The following SLC16A12 variants were observed in gnomAD, a reference collection of about 807,000 sequenced individuals.
The protein encoded by SLC16A12 is solute carrier family 16 member 12, also known as monocarboxylate transporter 12.
SLC16A12 carries 17 observed loss-of-function variants against 42.4 expected under a neutral mutation model. The ratio of observed to expected loss-of-function variants is 0.40; its 90% CI spans 0.27 to 0.60. The LOEUF (loss-of-function observed/expected upper bound fraction) is 0.60, where lower values mean the gene tolerates loss of function less well. Among genes scored for constraint, SLC16A12 ranks in the 20% least tolerant of loss-of-function variants. The pLI is 0.42. For missense variants in SLC16A12, 544 were observed against 623.0 expected, an observed-to-expected ratio of 0.87 and a Z score of 1.35; for synonymous variants, 224 against 229.4, an observed-to-expected ratio of 0.98 and a Z score of 0.21.
At position 89,443,791 on chromosome 10, in the gene SLC16A12, A is replaced by T; in HGVS notation, c.269T>A (p.Ile90Asn). The change falls in exon 4 of 8, where the codon ATC (isoleucine) becomes AAC (asparagine). Residue 90 changes from isoleucine to asparagine, a missense_variant. Physicochemically the swap from Ile to Asn is moderately radical, Grantham distance 149. Coordinates refer to ENST00000371790, the MANE Select transcript of SLC16A12 (RefSeq NM_213606.4). The stretch of plus-strand genomic sequence containing the variant: ...GGTCACACAATCTACAATGGAATGG[A>T]TCCATGCCGTTTGTGCGTAATCCTG... ...FTQDYAQTAW[I>N]HSIVDCVTML... is the part of the protein sequence containing the mutation. The T allele has an allele frequency of 6.2e-7, 1 of 1,613,954 alleles. No homozygotes were observed. Among genetic ancestry groups the T allele is most frequent in the Non-Finnish European group, 8.5e-7 (1 of 1,179,772 alleles).
intron 2 of SLC16A12, among the ~76,000 whole-genome samples, chr10:89,492,555 G>T (rs1259916570): frequency 6.6e-6 from 1 of 152,052 alleles, no homozygotes; most frequent in Admixed American, 6.6e-5. Context: ...CCTGATAAAC[G>T]TGGAGAAACC....
chr10:89,497,722 G>T (rs189456402), intron 2 of SLC16A12, among the ~76,000 whole-genome samples: 1 of 143,122 alleles, frequency 7.0e-6, no homozygotes, highest in Non-Finnish European at 1.5e-5. Flanking sequence ...AATTAATAGG[G>T]GTAGAGATCA....
intron 2 of SLC16A12, among the ~76,000 whole-genome samples, chr10:89,513,081 T>A (rs1843190195): frequency 6.6e-6 from 1 of 152,188 alleles, no homozygotes; most frequent in South Asian, 2.1e-4. Flanking sequence ...GGAAAACAGT[T>A]TGTTTTTCCT....
At position 89,478,203 on chromosome 10, in the gene SLC16A12, C is replaced by T. The variant is rs560189527; in HGVS notation, c.-46-15579G>A. Among the ~76,000 whole-genome samples the T allele has an allele frequency of 4.7e-4, 71 of 152,134 alleles. No homozygotes were observed. The South Asian group carries it at 1.0e-2, about 21-fold the overall frequency. On this transcript the variant is annotated intron_variant, in intron 2 of 7. Transcript: ENST00000371790. ...AGTTACTAGAATCTTGGAGAGTTGA[C>T]GTAGAAAGTCCCTGTTGAAGGGAAG...
upstream of SLC16A12, among the ~76,000 whole-genome samples, chr10:89,536,985 G>A (rs1023211942): frequency 2.0e-5 from 3 of 151,802 alleles, no homozygotes; most frequent in African/African-American, 4.8e-5. Context: ...TTACGGGCGC[G>A]TGCCACCACG....
upstream of SLC16A12, among the ~76,000 whole-genome samples, chr10:89,537,392 G>A (rs1241438010): frequency 1.3e-5 from 2 of 151,760 alleles, no homozygotes; most frequent in African/African-American, 2.4e-5. Flanking sequence ...TTACCCTCTG[G>A]CTATTTTTAG....
chr10:89,541,458 A>G (rs181129816), intron 2 of SLC16A12, among the ~76,000 whole-genome samples: 2 of 152,222 alleles, frequency 1.3e-5, no homozygotes, highest in East Asian at 3.9e-4. Flanking sequence ...TTAGCTAGAC[A>G]TGGTGGTGAG....
At chr10:89,530,119 C>A (rs72816749) in intron 2 of SLC16A12, among the ~76,000 whole-genome samples, 7,480 of 152,220 alleles carry the variant, frequency 0.049, 418 homozygotes, top group East Asian at 0.31. Context: ...GATTGGAGTT[C>A]TATGTTATTT....
intron 3 of SLC16A12, among the ~76,000 whole-genome samples, chr10:89,451,226 T>C (rs1379712686): frequency 1.3e-5 from 2 of 152,138 alleles, no homozygotes; most frequent in Non-Finnish European, 2.9e-5. Flanking sequence ...ACTCTCCCTC[T>C]CCTCCCCAGT....
Position 89,433,288 on chromosome 10 carries a change from A to G in SLC16A12, c.1327T>C (p.Phe443Leu). 1 of 1,614,170 alleles carries G rather than the reference A, an allele frequency of 6.2e-7. No homozygotes were observed. The stretch of plus-strand genomic sequence containing the variant: ...ATCATTGAAAATCCACAGAGGAGGA[A>G]TGCTGCAGTGTAGCTGCCGGTGGTA... ...VDTTGSYTAA[F>L]LLCGFSMIFS... is the part of the protein sequence containing the mutation. Residue 443 changes from phenylalanine to leucine, a missense_variant, in exon 8 of 8, where the codon TTC becomes CTC. By Grantham distance (22) the Phe-to-Leu change is conservative. Coordinates refer to ENST00000371790, the MANE Select transcript of SLC16A12 (RefSeq NM_213606.4).
In SLC16A12 at chr10:89,534,643, G is replaced by GAA. The variant is rs1843618093; in HGVS notation, c.-186-4_-186-3insTT. On this transcript the variant is annotated splice_region_variant and splice_polypyrimidine_tract_variant and intron_variant, in intron 1 of 7. Transcript: ENST00000371790. ...GCCAATATGTCGAAATCCTGTATCT[G>GAA]CAAAAAAAAAAAAAAAAAAAAAAAA... 3 of 15,562 alleles carry GAA rather than the reference G, an allele frequency of 1.9e-4. No individual in the cohort carries two copies. The highest frequency in any genetic ancestry group is 1.1e-3 in the African/African-American group (2 of 1,842). 1.0% of individuals were successfully genotyped at this position (15,562 alleles called of 1,614,324 possible).
chr10:89,545,917 G>A (rs1843739959), intron 2 of SLC16A12, among the ~76,000 whole-genome samples: 1 of 151,950 alleles, frequency 6.6e-6, no homozygotes, highest in Admixed American at 6.6e-5. Flanking sequence ...CAACAAACTG[G>A]ACAAAAAGAA....
At chr10:89,499,972 A>G (rs1842971169) in intron 2 of SLC16A12, among the ~76,000 whole-genome samples, 2 of 152,182 alleles carry the variant, frequency 1.3e-5, no homozygotes, top group African/African-American at 4.8e-5. Flanking sequence ...AAATATTACA[A>G]CTGACACTAC....
intron 2 of SLC16A12, among the ~76,000 whole-genome samples, chr10:89,471,568 C>T (rs77500152): frequency 2.0e-5 from 3 of 152,086 alleles, no homozygotes; most frequent in African/African-American, 7.2e-5. Flanking sequence ...TCCAGTTTTA[C>T]ATTATGAATA....
intron 2 of SLC16A12, among the ~76,000 whole-genome samples, chr10:89,549,754 A>G (rs1843760105): frequency 6.6e-6 from 1 of 152,188 alleles, no homozygotes; most frequent in Non-Finnish European, 1.5e-5. Context: ...ATTCTGGTCT[A>G]CATCTGCCCC....
intron 2 of SLC16A12, among the ~76,000 whole-genome samples, chr10:89,526,121 A>G: frequency 6.6e-6 from 1 of 151,836 alleles, no homozygotes; most frequent in East Asian, 1.9e-4. Flanking sequence ...CTCTGACCCC[A>G]TCATGCTACC....
chr10:89,506,286 C>T (rs1843060405), intron 2 of SLC16A12, among the ~76,000 whole-genome samples: 1 of 152,192 alleles, frequency 6.6e-6, no homozygotes, highest in African/African-American at 2.4e-5. Context: ...TGGGAGATAC[C>T]TCCCAGTAGG....
intron 3 of SLC16A12, 112 bp downstream of exon 3, chr10:89,462,267 C>T: frequency 2.1e-6 from 3 of 1,440,246 alleles, no homozygotes; most frequent in Non-Finnish European, 2.9e-6. Flanking sequence ...ACACACACCA[C>T]ATGAACACAC....
chr10:89,505,365 A>C (rs1357383589), intron 2 of SLC16A12, among the ~76,000 whole-genome samples: 2 of 152,000 alleles, frequency 1.3e-5, no homozygotes, highest in East Asian at 3.9e-4. Context: ...CAGTGAGCCG[A>C]GATCATGCCA....
Sources: allele counts gnomAD v4.1 joint callset (sites outside exome capture counted in the v4.1 genomes callset), GRCh38; gene constraint gnomAD v4.1.1; transcripts MANE v1.5; gene names NCBI Gene and HGNC (gene_info 2026-07-23, HGNC 2026-07-21).